The following MCPH1 variants were observed in gnomAD, a reference collection of about 807,000 sequenced individuals.
MCPH1 encodes microcephalin 1, also known as microcephalin.
MCPH1 carries 104 observed loss-of-function variants against 84.5 expected under a neutral mutation model. That is an observed-to-expected ratio of 1.23 (90% CI 1.05 to 1.45). The LOEUF is 1.45. MCPH1 is among the 40% of genes most tolerant of loss of function. The pLI, the probability that MCPH1 is intolerant of heterozygous loss-of-function variation, is 0.00. For synonymous variants in MCPH1, 514 were observed against 366.8 expected (o/e 1.40, Z -4.58); for missense variants, 1,498 against 1,005.7 (o/e 1.49, Z -6.62).
rs1187123427 is a variant in MCPH1 at position 6,444,472 on chromosome 8, G to T, written c.750G>T (p.Lys250Asn). ...CAGGATGTGGAAATCAGGAAAGGAAGTTGGAAGGATCCATTAATGACATTA... is the reference window on the plus strand; with the variant it reads ...CAGGATGTGGAAATCAGGAAAGGAATTTGGAAGGATCCATTAATGACATTA... ...GNSGCGNQER[K>N]LEGSINDIKS... The change falls in exon 8 of 14, where the codon AAG becomes AAT. Residue 250 changes from lysine (K) to asparagine (N), a missense_variant. Transcript: ENST00000344683. 2 of 1,614,066 alleles carry T rather than the reference G, an allele frequency of 1.2e-6. No individual in the cohort carries two copies. Among genetic ancestry groups the T allele is most frequent in the African/African-American group, 2.7e-5 (2 of 74,928 alleles).
chr8:6,532,224 G>T, intron 12 of MCPH1: 1 of 1,254,196 alleles, frequency 8.0e-7, no homozygotes, highest in Non-Finnish European at 1.1e-6. Context: ...TTCTCCTGTG[G>T]TGGTGCTTTC....
Position 6,621,616 on chromosome 8 carries a change from G to T in MCPH1, c.2377G>T (p.Ala793Ser). 1 of 1,614,188 alleles carries T rather than the reference G, an allele frequency of 6.2e-7. No homozygotes were observed. The change falls in exon 13 of 14, where the codon GCC becomes TCC. Residue 793 changes from alanine (A) to serine (S), a missense_variant. By Grantham distance (99) the Ala-to-Ser change is moderately conservative. Transcript: ENST00000344683. ...GGRVSQVPRQ[A>S]SIVIGPYSGK... ...CCGGGTCAGCCAAGTCCCCCGCCAG[G>T]CCAGCATCGTCATCGGGCCCTACAG...
intron 13 of MCPH1, chr8:6,625,970 G>A: frequency 1.0e-6 from 1 of 985,166 alleles, no homozygotes; most frequent in Non-Finnish European, 1.2e-6. Flanking sequence ...TCTGTGGCCA[G>A]AGGAGGGAAA....
At chr8:6,545,934 CTTTG>C (rs780465962) in intron 12 of MCPH1, among the ~76,000 whole-genome samples, 2 of 152,148 alleles carry the variant, frequency 1.3e-5, no homozygotes, top group Non-Finnish European at 2.9e-5. Flanking sequence ...AATAAAATAA[CTTTG>C]TTCATATTGA....
chr8:6,521,791 A>C (rs1373291550), intron 12 of MCPH1, among the ~76,000 whole-genome samples: 2 of 152,182 alleles, frequency 1.3e-5, no homozygotes, highest in African/African-American at 4.8e-5. Context: ...GAGAGTTTCA[A>C]CTGGGCTGGA....
chr8:6,640,132 G>C (rs186849526), intron 13 of MCPH1, among the ~76,000 whole-genome samples: 208 of 151,446 alleles, frequency 1.4e-3, no homozygotes, highest in African/African-American at 4.9e-3. Flanking sequence ...GTGTGTGTGT[G>C]TGTTTTCTAA....
intron 3 of MCPH1, among the ~76,000 whole-genome samples, chr8:6,416,422 T>C (rs1585605646): frequency 6.6e-6 from 1 of 152,246 alleles, no homozygotes. Context: ...TATTTCATTA[T>C]TTCGTATGAT....
intron 12 of MCPH1, among the ~76,000 whole-genome samples, chr8:6,568,999 C>T (rs1198854729): frequency 6.6e-6 from 1 of 152,204 alleles, no homozygotes; most frequent in Non-Finnish European, 1.5e-5. Context: ...ACACTCGGGA[C>T]TCTTGGGCGC....
intron 12 of MCPH1, among the ~76,000 whole-genome samples, chr8:6,593,415 C>T (rs571757299): frequency 1.3e-5 from 2 of 151,630 alleles, no homozygotes; most frequent in African/African-American, 2.4e-5. Context: ...AGTGCAATGG[C>T]GCGATCTTGG....
chr8:6,474,430 A>T (rs1808167481), intron 9 of MCPH1: 1 of 221,164 alleles, frequency 4.5e-6, no homozygotes, highest in Non-Finnish European at 8.8e-6. Flanking sequence ...TACTACTAAG[A>T]CTTTAACATG....
chr8:6,408,684 C>T (rs1056628162), intron 1 of MCPH1, among the ~76,000 whole-genome samples: 9 of 151,926 alleles, frequency 5.9e-5, no homozygotes, highest in Non-Finnish European at 1.3e-4. Flanking sequence ...ATTTCCCACC[C>T]AGTAGCTGGG....
chr8:6,577,166 G>A (rs756258863), intron 12 of MCPH1, among the ~76,000 whole-genome samples: 2 of 152,212 alleles, frequency 1.3e-5, no homozygotes, highest in African/African-American at 4.8e-5. Context: ...AGGGAATCTC[G>A]TTAATCCAGG....
At chr8:6,492,645 TTAA>T (rs1317488866) in intron 11 of MCPH1, among the ~76,000 whole-genome samples, 2 of 148,204 alleles carry the variant, frequency 1.3e-5, no homozygotes, top group African/African-American at 4.9e-5. Flanking sequence ...TTTAATAATA[TTAA>T]TATTAAATAG....
chr8:6,469,754 T>G (rs1807467695), intron 9 of MCPH1, among the ~76,000 whole-genome samples: 1 of 152,244 alleles, frequency 6.6e-6, no homozygotes, highest in Non-Finnish European at 1.5e-5. Flanking sequence ...TCTGTTTAAC[T>G]TGACCTATCT....
At chr8:6,458,806 G>A (rs117101543) in intron 9 of MCPH1, among the ~76,000 whole-genome samples, 7,402 of 152,098 alleles carry the variant, frequency 0.049, 220 homozygotes, top group Non-Finnish European at 0.069. Context: ...CAGCACGCCT[G>A]GCTAATTTTT....
chr8:6,467,251 G>T (rs543710191), intron 9 of MCPH1, among the ~76,000 whole-genome samples: 1 of 152,312 alleles, frequency 6.6e-6, no homozygotes, highest in East Asian at 1.9e-4. Flanking sequence ...CCAGTGACTG[G>T]AGCAGCTTGG....
At chr8:6,465,772 C>G (rs889729444) in intron 9 of MCPH1, among the ~76,000 whole-genome samples, 1 of 152,202 alleles carries the variant, frequency 6.6e-6, no homozygotes, top group Non-Finnish European at 1.5e-5. Context: ...TTATGCTCCT[C>G]AGACACGCGG....
chr8:6,636,870 C>G (rs536859145), intron 13 of MCPH1, among the ~76,000 whole-genome samples: 2 of 152,306 alleles, frequency 1.3e-5, no homozygotes, highest in East Asian at 3.9e-4. Context: ...GAAACACCAC[C>G]TGTAATATCC....
chr8:6,433,253 C>G (rs963552072), intron 4 of MCPH1, among the ~76,000 whole-genome samples: 3 of 152,120 alleles, frequency 2.0e-5, no homozygotes, highest in Non-Finnish European at 4.4e-5. Context: ...GTTTATTTCT[C>G]CAAGTCAGAT....
Sources: gnomAD v4.1 joint callset for allele counts (sites outside exome capture counted in the v4.1 genomes callset) on GRCh38, gnomAD v4.1.1 for gene constraint, MANE v1.5 for transcripts, NCBI Gene and HGNC (gene_info 2026-07-23, HGNC 2026-07-21) for gene names.